Variants in MFSD8 observed in about 807,000 individuals in gnomAD.
MFSD8 encodes major facilitator superfamily domain containing 8, also known as major facilitator superfamily domain-containing protein 8.
Under a neutral mutation model 66.4 loss-of-function variants are expected in MFSD8, and 55 were observed. The ratio of observed to expected loss-of-function variants is 0.83; its 90% CI spans 0.67 to 1.04. The LOEUF is 1.04. Among genes scored for constraint, MFSD8 ranks in the 50% least tolerant of loss-of-function variants. The pLI is 0.00. For missense variants in MFSD8, 550 were observed against 627.6 expected, an observed-to-expected ratio of 0.88 and a Z score of 1.32; for synonymous variants, 202 against 212.8, an observed-to-expected ratio of 0.95 and a Z score of 0.44.
At chr4:127,947,918 G>A (rs1328784149) in intron 3 of MFSD8, among the ~76,000 whole-genome samples, 2 of 148,254 alleles carry the variant, frequency 1.3e-5, no homozygotes, top group African/African-American at 5.0e-5. Flanking sequence ...CAACCTCATA[G>A]AAAAACCAAC....
chr4:127,940,375 G>GA (rs1739963082), intron 5 of MFSD8, among the ~76,000 whole-genome samples: 1 of 151,608 alleles, frequency 6.6e-6, no homozygotes, highest in Non-Finnish European at 1.5e-5. Context: ...TAACTTCTCA[G>GA]TTTTTTACAA....
At chr4:127,942,237 A>T in intron 4 of MFSD8, 79 bp from the exon 5 acceptor site, 3 of 1,094,136 alleles carry the variant, frequency 2.7e-6, no homozygotes, top group Non-Finnish European at 4.2e-6. Context: ...TTGACTTTAT[A>T]CAGAAGAAGA....
At chr4:127,939,290 C>T (rs1465139326) in intron 6 of MFSD8, 2 of 155,542 alleles carry the variant, frequency 1.3e-5, no homozygotes, top group South Asian at 1.9e-4. Context: ...CATGCCTTTC[C>T]CCTACTTAGC....
chr4:127,923,555 A>ATTTT (rs201245813), intron 9 of MFSD8, among the ~76,000 whole-genome samples: 1 of 89,650 alleles, frequency 1.1e-5, no homozygotes, highest in African/African-American at 3.9e-5. Flanking sequence ...ATTTTTATTT[A>ATTTT]TTATTATTAT....
chr4:127,951,835 T>G (rs1742027140), intron 2 of MFSD8, among the ~76,000 whole-genome samples: 1 of 150,668 alleles, frequency 6.6e-6, no homozygotes, highest in Non-Finnish European at 1.5e-5. Context: ...TTCAAGCAAT[T>G]CTCACACCTC....
intron 2 of MFSD8, among the ~76,000 whole-genome samples, chr4:127,953,777 CT>C (rs1742431294): frequency 6.6e-6 from 1 of 151,882 alleles, no homozygotes; most frequent in Non-Finnish European, 1.5e-5. Flanking sequence ...GCCACCTTGC[CT>C]GGCCCTGCAC....
At chr4:127,941,412 G>A (rs1365224523) in intron 5 of MFSD8, among the ~76,000 whole-genome samples, 2 of 152,126 alleles carry the variant, frequency 1.3e-5, no homozygotes, top group Non-Finnish European at 2.9e-5. Flanking sequence ...GCATGAAAAT[G>A]ACTGATTCTT....
intron 4 of MFSD8, chr4:127,943,480 G>A: frequency 2.6e-6 from 1 of 389,646 alleles, no homozygotes; most frequent in Non-Finnish European, 4.8e-6. Context: ...TCAGTCTCCT[G>A]AGTAGCTGGT....
chr4:127,920,936 T>C, intron 11 of MFSD8, 100 bp from the exon 12 acceptor site: 1 of 1,103,044 alleles, frequency 9.1e-7, no homozygotes, highest in African/African-American at 1.6e-5. Context: ...CTTACAAGAA[T>C]CATTTCTGCA....
intron 1 of MFSD8, among the ~76,000 whole-genome samples, chr4:127,962,988 TTTACCTGAG>T (rs1744052330): frequency 6.6e-6 from 1 of 152,200 alleles, no homozygotes; most frequent in Admixed American, 6.5e-5. Context: ...AATTTATTAA[TTTACCTGAG>T]GTAATTATTA....
At chr4:127,957,616 A>G (rs1360887144) in intron 1 of MFSD8, 24 bp from the exon 2 acceptor site, 2 of 1,507,148 alleles carry the variant, frequency 1.3e-6, no homozygotes, top group Non-Finnish European at 9.2e-7. Context: ...AGAAAAAAGT[A>G]GTATAAATTT....
At chr4:127,936,951 A>T (rs1739180978) in intron 7 of MFSD8, among the ~76,000 whole-genome samples, 1 of 152,150 alleles carries the variant, frequency 6.6e-6, no homozygotes, top group Non-Finnish European at 1.5e-5. Flanking sequence ...TTCCTCCGTC[A>T]CTTTACCTGA....
intron 2 of MFSD8, among the ~76,000 whole-genome samples, chr4:127,951,477 C>T (rs1741951052): frequency 6.6e-6 from 1 of 152,106 alleles, no homozygotes; most frequent in Non-Finnish European, 1.5e-5. Context: ...GATCTGCCTG[C>T]CTTGCCTCCC....
chr4:127,936,567 GA>G (rs949729145), intron 7 of MFSD8, among the ~76,000 whole-genome samples: 266 of 149,790 alleles, frequency 1.8e-3, no homozygotes, highest in African/African-American at 6.1e-3. Context: ...CTCTATTAAA[GA>G]AAAAAAAACC....
At chr4:127,923,552 T>TTTATTTA (rs1322039631) in intron 9 of MFSD8, among the ~76,000 whole-genome samples, 1,394 of 130,518 alleles carry the variant, frequency 0.011, 20 homozygotes, top group African/African-American at 0.034. Context: ...TTTATTTTTA[T>TTTATTTA]TTATTATTAT....
intron 2 of MFSD8, among the ~76,000 whole-genome samples, chr4:127,954,671 G>C (rs1210545249): frequency 6.6e-6 from 1 of 152,340 alleles, no homozygotes; most frequent in Non-Finnish European, 1.5e-5. Context: ...TTCTGTGAAT[G>C]TGAATCACAG....
intron 3 of MFSD8, among the ~76,000 whole-genome samples, chr4:127,945,125 G>A (rs1439236135): frequency 6.6e-6 from 1 of 152,090 alleles, no homozygotes; most frequent in Non-Finnish European, 1.5e-5. Context: ...CACTATGACT[G>A]TACCTGTGAA....
At chr4:127,926,836 T>G (rs949972325) in intron 9 of MFSD8, among the ~76,000 whole-genome samples, 1 of 152,142 alleles carries the variant, frequency 6.6e-6, no homozygotes, top group Non-Finnish European at 1.5e-5. Context: ...TTTACAACAG[T>G]AGGAAAGTGA....
At chr4:127,945,254 AATTT>A (rs1258588149) in intron 3 of MFSD8, 2 of 152,160 alleles carry the variant, frequency 1.3e-5, no homozygotes, top group Non-Finnish European at 2.9e-5. Flanking sequence ...GTGGTAGAAC[AATTT>A]AATAAGGAAA....
Sources: gnomAD v4.1 joint callset for allele counts (sites outside exome capture counted in the v4.1 genomes callset) on GRCh38, gnomAD v4.1.1 for gene constraint, MANE v1.5 for transcripts, NCBI Gene and HGNC (gene_info 2026-07-23, HGNC 2026-07-21) for gene names.